The following CTNNA2 variants were observed in gnomAD, a reference collection of about 807,000 sequenced individuals.
CTNNA2 encodes the protein catenin alpha-2.
In CTNNA2, 42 loss-of-function variants were observed where a neutral mutation model predicts 101.0. The observed-to-expected ratio is 0.42, with a 90% confidence interval of 0.32 to 0.54. The LOEUF is 0.54. Among genes scored for constraint, CTNNA2 ranks in the 20% least tolerant of loss-of-function variants. The probability of loss-of-function intolerance (pLI) is 0.14; values close to 1 mark genes in which losing one functional copy is unlikely to be tolerated. For synonymous variants in CTNNA2, 450 were observed against 456.4 expected, an observed-to-expected ratio of 0.99 and a Z score of 0.18; for missense variants, 871 against 1,223.1, an observed-to-expected ratio of 0.71 and a Z score of 4.29.
chr2:80,584,656 G>A (rs1011064279), intron 14 of CTNNA2, among the ~76,000 whole-genome samples: 3 of 152,006 alleles, frequency 2.0e-5, no homozygotes, highest in Non-Finnish European at 2.9e-5. Context: ...TTTTAAATAT[G>A]GACTTAGTGA....
intron 18 of CTNNA2, among the ~76,000 whole-genome samples, chr2:80,637,751 A>C (rs918092546): frequency 1.3e-5 from 2 of 152,080 alleles, no homozygotes; most frequent in South Asian, 4.2e-4. Flanking sequence ...ATGAGAAGAG[A>C]AGTGAAAGAA....
intron 9 of CTNNA2, among the ~76,000 whole-genome samples, chr2:80,534,257 G>A (rs1251168048): frequency 6.6e-6 from 1 of 152,070 alleles, no homozygotes; most frequent in African/African-American, 2.4e-5. Context: ...ATGCCTGGTG[G>A]GACCATGAAC....
At chr2:80,130,001 A>T (rs1558835823) in intron 7 of CTNNA2, among the ~76,000 whole-genome samples, 1 of 152,164 alleles carries the variant, frequency 6.6e-6, no homozygotes, top group Non-Finnish European at 1.5e-5. Context: ...CAGAGCACTG[A>T]GATAAACTGG....
intron 1 of CTNNA2, among the ~76,000 whole-genome samples, chr2:79,563,641 A>G (rs562615570): frequency 6.6e-6 from 1 of 152,152 alleles, no homozygotes; most frequent in Admixed American, 6.6e-5. Context: ...TATGCTAATT[A>G]TGCAAATATT....
chr2:79,649,365 A>G (rs72923349), intron 1 of CTNNA2: 6,097 of 154,798 alleles, frequency 0.039, 385 homozygotes, highest in African/African-American at 0.14. Flanking sequence ...GCTTTCCTAC[A>G]GAACTTCCGT....
intron 3 of CTNNA2, among the ~76,000 whole-genome samples, chr2:79,789,133 A>G (rs1051757810): frequency 6.6e-6 from 1 of 152,346 alleles, no homozygotes; most frequent in Admixed American, 6.5e-5. Context: ...AAAGTACACA[A>G]CAGAGAAAAG....
intron 12 of CTNNA2, among the ~76,000 whole-genome samples, chr2:80,556,691 T>G (rs1693067106): frequency 6.6e-6 from 1 of 151,642 alleles, no homozygotes; most frequent in Non-Finnish European, 1.5e-5. Flanking sequence ...TCTTTTGGCT[T>G]CCTCAGGCCT....
chr2:79,604,371 G>C (rs62140077), intron 1 of CTNNA2, among the ~76,000 whole-genome samples: 6,869 of 152,268 alleles, frequency 0.045, 220 homozygotes, highest in Non-Finnish European at 0.065. Context: ...AGTGATCTTT[G>C]AGAGATGAGC....
rs1681255617 is a variant in CTNNA2 at position 79,651,586 on chromosome 2, G to C, written c.30G>C (p.Leu10=). ...CTTCGGCAACTTCACCTATCATTCT[G>C]AAATGGGACCCCAAAAGTTTGGAAA... The part of the protein sequence containing the change: MTSATSPII[L]KWDPKSLEIR... The change falls in exon 2 of 19, where the codon CTG becomes CTC. Residue 10 remains leucine (L), a synonymous_variant. Coordinates refer to ENST00000402739, the MANE Select transcript of CTNNA2 (RefSeq NM_001282597.3). The C allele has an allele frequency of 6.2e-7, 1 of 1,613,694 alleles. No individual in the cohort carries two copies. The highest frequency in any genetic ancestry group is 1.7e-5 in the Admixed American group (1 of 59,926).
intron 7 of CTNNA2, among the ~76,000 whole-genome samples, chr2:80,185,877 G>A (rs965038938): frequency 6.6e-6 from 1 of 152,170 alleles, no homozygotes; most frequent in Non-Finnish European, 1.5e-5. Flanking sequence ...GTTTATTTAT[G>A]CCACCATGAT....
intron 9 of CTNNA2, among the ~76,000 whole-genome samples, chr2:80,528,276 A>G (rs2149588939): frequency 6.6e-6 from 1 of 152,166 alleles, no homozygotes; most frequent in African/African-American, 2.4e-5. Flanking sequence ...GCTCACTGCA[A>G]CCTCTGCCTC....
chr2:79,446,460 C>T (rs974011981), intron 4 of CTNNA2, among the ~76,000 whole-genome samples: 1 of 151,960 alleles, frequency 6.6e-6, no homozygotes, highest in African/African-American at 2.4e-5. Flanking sequence ...AGGACACCAC[C>T]GTGGTTTCTT....
chr2:79,338,575 A>ATATTCTTCTTCTTCTTCTTCTACT (rs879675967), intron 3 of CTNNA2, among the ~76,000 whole-genome samples: 10 of 115,520 alleles, frequency 8.7e-5, no homozygotes, highest in African/African-American at 3.4e-4. Flanking sequence ...CTTCCTCCTC[A>ATATTCTTCTTCTTCTTCTTCTACT]TCATCTTCTT....
chr2:80,640,589 A>T (rs1354808033), intron 18 of CTNNA2, among the ~76,000 whole-genome samples: 1 of 152,220 alleles, frequency 6.6e-6, no homozygotes, highest in African/African-American at 2.4e-5. Context: ...AGACTCTGGA[A>T]AATGTACGCA....
chr2:80,350,086 T>C (rs1673143098), intron 7 of CTNNA2, among the ~76,000 whole-genome samples: 1 of 152,154 alleles, frequency 6.6e-6, no homozygotes, highest in African/African-American at 2.4e-5. Context: ...ATCATTTAAA[T>C]ATAAATATAA....
At chr2:80,206,908 C>T (rs1317652381) in intron 7 of CTNNA2, among the ~76,000 whole-genome samples, 1 of 152,134 alleles carries the variant, frequency 6.6e-6, no homozygotes, top group African/African-American at 2.4e-5. Context: ...CTGAGGCTTC[C>T]TCCTTAAGCA....
At chr2:79,573,714 A>G (rs1371213407) in intron 1 of CTNNA2, 1 of 152,160 alleles carries the variant, frequency 6.6e-6, no homozygotes, top group Non-Finnish European at 1.5e-5. Flanking sequence ...GTGTATAACT[A>G]TATAAGCTGC....
At chr2:80,501,116 G>T (rs1687850337) in intron 9 of CTNNA2, among the ~76,000 whole-genome samples, 1 of 152,176 alleles carries the variant, frequency 6.6e-6, no homozygotes, top group Admixed American at 6.5e-5. Context: ...AAACTGAATA[G>T]GTCCAAAGAT....
Position 79,903,839 on chromosome 2 carries a change from A to G in CTNNA2, c.853-5755A>G, listed in dbSNP as rs13414279. Among the ~76,000 whole-genome samples, 684 of 152,248 alleles carry G rather than the reference A, an allele frequency of 4.5e-3. 7 individuals carry two copies. Among genetic ancestry groups the G allele is most frequent in the African/African-American group, 0.015 (628 of 41,546 alleles). On this transcript the variant is annotated intron_variant, in intron 6 of 18. Transcript: ENST00000402739. The stretch of plus-strand genomic sequence containing the variant: ...TGGGCAGGAGCATGCGCCTGTGCTT[A>G]GTGATTGACTGGCGCTGCCTGGGGT...
Sources: allele counts gnomAD v4.1 joint callset (sites outside exome capture counted in the v4.1 genomes callset), GRCh38; gene constraint gnomAD v4.1.1; transcripts MANE v1.5; gene names NCBI Gene and HGNC (gene_info 2026-07-23, HGNC 2026-07-21).